ENPP2: variants seen among roughly 807,000 people sequenced by gnomAD.
ENPP2 encodes the protein autotaxin.
A neutral mutation model predicts 120.2 loss-of-function variants in ENPP2; 51 were observed. That is an observed-to-expected ratio of 0.42 (90% CI 0.34 to 0.54). The LOEUF (loss-of-function observed/expected upper bound fraction) is 0.54. ENPP2 is among the 20% of genes least tolerant of loss of function. The probability of loss-of-function intolerance (pLI) is 0.04; values close to 1 mark genes in which losing one functional copy is unlikely to be tolerated. For missense variants in ENPP2, 920 were observed against 1,066.5 expected (o/e 0.86, Z 1.91); for synonymous variants, 365 against 366.4 (o/e 1.00, Z 0.04).
At chr8:119,618,185 G>A (rs1457559359) in intron 5 of ENPP2, 3 of 386,232 alleles carry the variant, frequency 7.8e-6, no homozygotes, top group East Asian at 7.2e-5. Context: ...TTTGAGATGA[G>A]CTATCAAGGC....
intron 19 of ENPP2, chr8:119,573,216 G>C (rs1011884329): frequency 3.3e-5 from 5 of 151,998 alleles, no homozygotes; most frequent in African/African-American, 1.2e-4. Context: ...AAGACTAGCT[G>C]GCCAACATGG....
At chr8:119,657,086 G>A (rs906705805) in intron 1 of ENPP2, among the ~76,000 whole-genome samples, 33 of 151,946 alleles carry the variant, frequency 2.2e-4, no homozygotes, top group African/African-American at 5.1e-4. Flanking sequence ...CACCATGCCC[G>A]GCTAATTTCT....
intron 12 of ENPP2, among the ~76,000 whole-genome samples, chr8:119,591,517 C>A (rs560601366): frequency 4.6e-5 from 7 of 152,216 alleles, no homozygotes; most frequent in Admixed American, 2.6e-4. Flanking sequence ...TGACCTGGAA[C>A]GTTTTAATAT....
upstream of ENPP2, among the ~76,000 whole-genome samples, chr8:119,639,916 A>G (rs564622259): frequency 3.9e-5 from 6 of 152,326 alleles, no homozygotes; most frequent in South Asian, 1.0e-3. Flanking sequence ...CAAATGAGGG[A>G]AAAAGATTTG....
chr8:119,655,730 T>A (rs1302803324), intron 1 of ENPP2, among the ~76,000 whole-genome samples: 1 of 152,216 alleles, frequency 6.6e-6, no homozygotes, highest in African/African-American at 2.4e-5. Context: ...CTGGTTTCTC[T>A]TTTTGCAGGG....
chr8:119,581,577 G>A (rs1171898444), intron 18 of ENPP2, among the ~76,000 whole-genome samples: 3 of 151,934 alleles, frequency 2.0e-5, no homozygotes, highest in East Asian at 1.9e-4. Context: ...CTTCCTATTC[G>A]GTTGTCTCTC....
At chr8:119,595,360 T>C (rs2130493939) in intron 11 of ENPP2, among the ~76,000 whole-genome samples, 1 of 152,302 alleles carries the variant, frequency 6.6e-6, no homozygotes, top group Admixed American at 6.5e-5. Context: ...TATCCGCCCA[T>C]TATTTTCTCT....
chr8:119,653,369 C>A lies in ENPP2; in HGVS notation c.22-14842G>T, dbSNP rs377446701. ...AAAATAACGTCAAGTAGCTGATAAA[C>A]GATAAAGAAAAAAGAGCACAAGAGC... On this transcript the variant is annotated intron_variant, in intron 1 of 25. Coordinates refer to the ENPP2 transcript ENST00000427067. 2.6e-5 allele frequency among the ~76,000 whole-genome samples: 4 copies of A among 152,142 alleles called. No homozygotes were observed. In the South Asian group the frequency reaches 8.3e-4, roughly 32 times the overall value.
chr8:119,648,677 T>C (rs1035010885), intron 1 of ENPP2, among the ~76,000 whole-genome samples: 1 of 152,214 alleles, frequency 6.6e-6, no homozygotes, highest in African/African-American at 2.4e-5. Context: ...CCCCTTGCAA[T>C]CATACAACAG....
At chr8:119,560,840 T>C (rs1300599109) in intron 24 of ENPP2, among the ~76,000 whole-genome samples, 1 of 152,094 alleles carries the variant, frequency 6.6e-6, no homozygotes, top group Non-Finnish European at 1.5e-5. Context: ...TACTTTCCCC[T>C]TAGTAGCTAT....
chr8:119,569,806 CA>C (rs2130080465), intron 20 of ENPP2, among the ~76,000 whole-genome samples: 1 of 150,250 alleles, frequency 6.7e-6, no homozygotes, highest in East Asian at 2.0e-4. Flanking sequence ...TATGTGTACA[CA>C]GTACAAATCA....
upstream of ENPP2, among the ~76,000 whole-genome samples, chr8:119,643,208 T>A (rs1817334949): frequency 1.3e-5 from 2 of 152,200 alleles, no homozygotes; most frequent in Non-Finnish European, 2.9e-5. Flanking sequence ...ATTAGAAAAT[T>A]CAGATAAAAA....
chr8:119,588,379 A>G (rs944935506), intron 13 of ENPP2, among the ~76,000 whole-genome samples: 1 of 151,818 alleles, frequency 6.6e-6, no homozygotes, highest in African/African-American at 2.4e-5. Flanking sequence ...AATACAAAAA[A>G]TTAGCCAGGC....
At chr8:119,574,896 T>C (rs1812225552) in intron 19 of ENPP2, among the ~76,000 whole-genome samples, 1 of 152,196 alleles carries the variant, frequency 6.6e-6, no homozygotes, top group African/African-American at 2.4e-5. Context: ...CTCTCTTTAG[T>C]GCCCTGTTCT....
chr8:119,649,738 A>G (rs1312650907), intron 1 of ENPP2, among the ~76,000 whole-genome samples: 1 of 152,248 alleles, frequency 6.6e-6, no homozygotes, highest in Non-Finnish European at 1.5e-5. Context: ...AATTTTTAAA[A>G]AATGATCAAT....
At chr8:119,623,656 C>T (rs988768390) in intron 3 of ENPP2, among the ~76,000 whole-genome samples, 1 of 152,040 alleles carries the variant, frequency 6.6e-6, no homozygotes, top group Non-Finnish European at 1.5e-5. Context: ...GACAGAGTCT[C>T]ACTCTGTCGC....
intron 8 of ENPP2, among the ~76,000 whole-genome samples, chr8:119,609,971 G>A (rs1814982030): frequency 6.6e-6 from 1 of 152,192 alleles, no homozygotes; most frequent in South Asian, 2.1e-4. Context: ...GAAGTTCTGA[G>A]AGTTAATTTA....
chr8:119,570,012 T>C (rs1814830109), intron 20 of ENPP2, among the ~76,000 whole-genome samples: 1 of 152,102 alleles, frequency 6.6e-6, no homozygotes, highest in South Asian at 2.1e-4. Context: ...CTCATGCCTG[T>C]AATCCCAGCA....
rs574147508 is a variant in ENPP2 at position 119,654,399 on chromosome 8, A to G, written c.22-15872T>C. 3.9e-3 allele frequency among the ~76,000 whole-genome samples: 563 copies of G among 144,664 alleles called. 2 individuals carry two copies. Among genetic ancestry groups the G allele is most frequent in the African/African-American group, 0.013 (529 of 39,916 alleles). 94.9% of individuals were successfully genotyped at this position (144,664 alleles called of 152,430 possible). ...TATAGAGAGATATATCTAGATATTA[A>G]TATCTAGATATATAATATAAAATAT... On this transcript the variant is annotated intron_variant, in intron 1 of 25. Coordinates refer to the ENPP2 transcript ENST00000427067.
Sources: allele counts gnomAD v4.1 joint callset (sites outside exome capture counted in the v4.1 genomes callset), GRCh38; gene constraint gnomAD v4.1.1; transcripts MANE v1.5; gene names NCBI Gene and HGNC (gene_info 2026-07-23, HGNC 2026-07-21).